KMT2C: variants seen among roughly 807,000 people sequenced by gnomAD.
KMT2C encodes histone-lysine N-methyltransferase 2C.
Under a neutral mutation model 507.9 loss-of-function variants are expected in KMT2C, and 88 were observed. The ratio of observed to expected loss-of-function variants is 0.17; its 90% confidence interval spans 0.15 to 0.21. The LOEUF (loss-of-function observed/expected upper bound fraction) is 0.21. Among genes scored for constraint, KMT2C ranks in the 10% least tolerant of loss-of-function variants. The probability of loss-of-function intolerance (pLI) is 1.00; values close to 1 mark genes in which losing one functional copy is unlikely to be tolerated. For synonymous variants in KMT2C, 2,049 were observed against 2,080.8 expected (o/e 0.98, Z 0.42); for missense variants, 4,954 against 5,957.8 (o/e 0.83, Z 5.55).
intron 23 of KMT2C, among the ~76,000 whole-genome samples, chr7:152,218,086 G>A (rs897435502): frequency 1.3e-5 from 2 of 152,180 alleles, no homozygotes; most frequent in African/African-American, 4.8e-5. Context: ...GCATCAGAAA[G>A]TGTTTCTCCC....
At chr7:152,212,487 C>T (rs1234298338) in intron 23 of KMT2C, among the ~76,000 whole-genome samples, 1 of 152,048 alleles carries the variant, frequency 6.6e-6, no homozygotes, top group Non-Finnish European at 1.5e-5. Flanking sequence ...TCCCTGTGTG[C>T]AGATGACATG....
In KMT2C at chr7:152,220,707, A is replaced by C. The variant is rs1328901392; in HGVS notation, c.3528T>G (p.Gly1176=). The C allele has an allele frequency of 3.7e-6, 6 of 1,610,356 alleles. No individual in the cohort carries two copies. Among genetic ancestry groups the C allele is most frequent in the Non-Finnish European group, 5.1e-6 (6 of 1,178,500 alleles). ...LDPPKTYTQD[G]VCLTESGMTQ... ...TCATCCCTGATTCAGTCAAACACAC[A>C]CCATCCTGGGTATAAGTCTTGGGTG... is the stretch of plus-strand genomic sequence containing the variant. Residue 1176 remains glycine, a synonymous_variant, in exon 23 of 59, where the codon GGT becomes GGG. Coordinates refer to ENST00000262189, the MANE Select transcript of KMT2C (RefSeq NM_170606.3).
At chr7:152,155,084 G>A (rs1051666306) in intron 46 of KMT2C, 3 of 152,142 alleles carry the variant, frequency 2.0e-5, no homozygotes, top group African/African-American at 7.2e-5. Flanking sequence ...CAATTGTGAG[G>A]TCTCAGACTA....
At chr7:152,328,061 C>A (rs1229008525) in intron 3 of KMT2C, among the ~76,000 whole-genome samples, 1 of 151,898 alleles carries the variant, frequency 6.6e-6, no homozygotes, top group Non-Finnish European at 1.5e-5. Context: ...CAAAGCCCAC[C>A]AACAAAGTGC....
intron 23 of KMT2C, among the ~76,000 whole-genome samples, chr7:152,211,046 A>C (rs2094444439): frequency 7.2e-6 from 1 of 139,426 alleles, no homozygotes; most frequent in South Asian, 2.1e-4. Flanking sequence ...TCAGTGCCTA[A>C]CAAAACAGAT....
In KMT2C at chr7:152,247,889, A is replaced by G. The variant is rs779472707; in HGVS notation, c.2532+13T>C. 2 of 1,593,008 alleles carry G rather than the reference A, an allele frequency of 1.3e-6. No individual in the cohort carries two copies. Among genetic ancestry groups the G allele is most frequent in the Non-Finnish European group, 1.7e-6 (2 of 1,161,386 alleles). On this transcript the variant is annotated intron_variant, in intron 14 of 58. Coordinates refer to ENST00000262189, the MANE Select transcript of KMT2C (RefSeq NM_170606.3). ...CAATATCTTTTCTGTCAATATCATT[A>G]AAATCACCCTACCTGTTTGGACCGA...
rs2129119350 is a variant in KMT2C at position 152,180,916 on chromosome 7, G to C, written c.6944C>G (p.Thr2315Arg). 6.2e-7 allele frequency: 1 copy of C among 1,614,134 alleles called. No homozygotes were observed. The highest frequency in any genetic ancestry group is 8.5e-7 in the Non-Finnish European group (1 of 1,180,028). The change falls in exon 36 of 59, where the codon ACA (threonine) becomes AGA (arginine). Residue 2315 changes from threonine (T) to arginine (R), a missense_variant. Thr to Arg is a moderately conservative substitution (Grantham distance 71). Coordinates refer to ENST00000262189, the MANE Select transcript of KMT2C (RefSeq NM_170606.3). ...TPRSQSDSFG[T>R]SQTAHDVADQ... ...AGCAACATCATGGGCAGTTTGACTT[G>C]TTCCAAAAGAGTCAGACTGAGATCT...
intron 6 of KMT2C, among the ~76,000 whole-genome samples, chr7:152,292,346 ATACT>A (rs989915899): frequency 6.6e-6 from 1 of 152,208 alleles, no homozygotes; most frequent in Non-Finnish European, 1.5e-5. Context: ...ACACACACAC[ATACT>A]GACAAACTGT....
At chr7:152,426,840 T>C (rs1037270765) in intron 1 of KMT2C, among the ~76,000 whole-genome samples, 10 of 152,222 alleles carry the variant, frequency 6.6e-5, no homozygotes, top group Admixed American at 2.6e-4. Context: ...AGCTAATATG[T>C]AGTACAACCT....
intron 1 of KMT2C, 83 bp from the exon 2 acceptor site, chr7:152,358,758 A>G: frequency 2.4e-6 from 2 of 834,288 alleles, no homozygotes; most frequent in Non-Finnish European, 3.9e-6. Context: ...CATAAGGCAC[A>G]ATTTGAAGGT....
chr7:152,281,467 C>T (rs903652378), intron 6 of KMT2C, among the ~76,000 whole-genome samples: 10 of 152,204 alleles, frequency 6.6e-5, no homozygotes, highest in Non-Finnish European at 1.3e-4. Flanking sequence ...CACAGTGGCT[C>T]ACGCATGTAA....
chr7:152,295,936 C>T (rs1164404501), intron 6 of KMT2C, among the ~76,000 whole-genome samples: 3 of 151,606 alleles, frequency 2.0e-5, no homozygotes, highest in African/African-American at 4.8e-5. Flanking sequence ...GGCATGGTGG[C>T]GGGTGCCTAT....
intron 6 of KMT2C, among the ~76,000 whole-genome samples, chr7:152,288,457 C>T (rs2096347205): frequency 6.6e-6 from 1 of 151,944 alleles, no homozygotes; most frequent in African/African-American, 2.4e-5. Context: ...TCACTTAGAC[C>T]CAGGGGCGGA....
intron 2 of KMT2C, among the ~76,000 whole-genome samples, chr7:152,331,712 G>A (rs908530653): frequency 9.9e-5 from 14 of 142,038 alleles, no homozygotes; most frequent in Admixed American, 3.0e-4. Flanking sequence ...GCAATGGCGC[G>A]ATCTCGACTC....
intron 2 of KMT2C, among the ~76,000 whole-genome samples, chr7:152,351,379 TGCTATGACATCACGACA>T (rs1161622124): frequency 2.6e-5 from 4 of 152,170 alleles, no homozygotes; most frequent in African/African-American, 2.4e-5. Flanking sequence ...TGTTGCGCTG[TGCTATGACATCACGACA>T]GCTATGACAT....
chr7:152,371,622 TA>T (rs1306660214), intron 1 of KMT2C, among the ~76,000 whole-genome samples: 5 of 152,082 alleles, frequency 3.3e-5, no homozygotes, highest in South Asian at 2.1e-4. Context: ...CATTTCATTT[TA>T]TTTTTTTTGA....
intron 6 of KMT2C, among the ~76,000 whole-genome samples, chr7:152,290,498 C>CG (rs991315472): frequency 3.3e-5 from 5 of 150,200 alleles, no homozygotes; most frequent in Non-Finnish European, 7.4e-5. Context: ...TTAGTAGAGA[C>CG]GGGGTTTCAC....
chr7:152,386,822 G>A (rs1432255969), intron 1 of KMT2C, among the ~76,000 whole-genome samples: 1 of 151,674 alleles, frequency 6.6e-6, no homozygotes, highest in East Asian at 1.9e-4. Flanking sequence ...TATAAAGAAA[G>A]TCATGGTCAA....
At chr7:152,281,611 A>G (rs1307244685) in intron 6 of KMT2C, among the ~76,000 whole-genome samples, 2 of 152,218 alleles carry the variant, frequency 1.3e-5, no homozygotes, top group Non-Finnish European at 2.9e-5. Context: ...AGGCGCCTGT[A>G]ATCCCAGCTA....
Sources: allele counts gnomAD v4.1 joint callset (sites outside exome capture counted in the v4.1 genomes callset), GRCh38; gene constraint gnomAD v4.1.1; transcripts MANE v1.5; gene names NCBI Gene and HGNC (gene_info 2026-07-23, HGNC 2026-07-21).